The following WWOX variants were observed in gnomAD, a reference collection of about 807,000 sequenced individuals.
WWOX encodes WW domain containing oxidoreductase, also known as WW domain-containing oxidoreductase.
In WWOX, 69 loss-of-function variants were observed where a neutral mutation model predicts 46.2. The ratio of observed to expected loss-of-function variants is 1.49; its 90% CI spans 1.23 to 1.82. The LOEUF is 1.82. Among genes scored for constraint, WWOX ranks in the 40% most tolerant of loss-of-function variants. The probability of loss-of-function intolerance (pLI) is 0.00; values close to 1 mark genes in which losing one functional copy is unlikely to be tolerated. For synonymous variants in WWOX, 359 were observed against 202.6 expected, an observed-to-expected ratio of 1.77 and a Z score of -6.56; for missense variants, 919 against 542.6, an observed-to-expected ratio of 1.69 and a Z score of -6.89.
intron 5 of WWOX, among the ~76,000 whole-genome samples, chr16:78,245,004 A>G (rs909055422): frequency 1.3e-5 from 2 of 152,082 alleles, no homozygotes; most frequent in African/African-American, 4.8e-5. Flanking sequence ...TGCCCAGGCC[A>G]TTTTGTTTTA....
At chr16:78,571,289 TG>T (rs1396975222) in intron 8 of WWOX, among the ~76,000 whole-genome samples, 17 of 152,292 alleles carry the variant, frequency 1.1e-4, no homozygotes, top group African/African-American at 4.1e-4. Context: ...GTAAATGACT[TG>T]CCCAAGGTCA....
intron 5 of WWOX, among the ~76,000 whole-genome samples, chr16:78,275,043 T>C (rs9926888): frequency 0.62 from 94,371 of 152,066 alleles, 30,503 homozygotes; most frequent in East Asian, 0.92. Context: ...TGAGCTCCCA[T>C]GATATAACAG....
chr16:78,352,025 G>C (rs1405634244), intron 5 of WWOX, among the ~76,000 whole-genome samples: 2 of 152,174 alleles, frequency 1.3e-5, no homozygotes, highest in African/African-American at 4.8e-5. Flanking sequence ...AGCAGTTGAT[G>C]ATCCAGAGCT....
intron 8 of WWOX, among the ~76,000 whole-genome samples, chr16:78,873,664 C>A (rs901865903): frequency 6.6e-6 from 1 of 152,044 alleles, no homozygotes; most frequent in Non-Finnish European, 1.5e-5. Flanking sequence ...ATGTTGCATG[C>A]CTGTCATCCC....
intron 8 of WWOX, among the ~76,000 whole-genome samples, chr16:79,102,636 T>A (rs561363708): frequency 6.6e-6 from 1 of 152,120 alleles, no homozygotes; most frequent in African/African-American, 2.4e-5. Flanking sequence ...AAGAAACATA[T>A]ATACAGTGCC....
rs1380054817 is a variant in WWOX at position 78,164,260 on chromosome 16, G to A, written c.487G>A (p.Glu163Lys). The A allele has an allele frequency of 1.9e-6, 3 of 1,614,070 alleles. No individual in the cohort carries two copies. The highest frequency in any genetic ancestry group is 2.5e-6 in the Non-Finnish European group (3 of 1,179,952). ...CTGCAGGAACATGGCAAGGGCGAGT[G>A]AAGCAGTGTCACGCATTTTAGAAGA... is the stretch of plus-strand genomic sequence containing the variant. ...LACRNMARAS[E>K]AVSRILEEWH... is the part of the protein sequence containing the mutation. The change falls in exon 5 of 9, where the codon GAA becomes AAA. Residue 163 changes from glutamate to lysine, a missense_variant. By Grantham distance (56) the Glu-to-Lys change is moderately conservative (BLOSUM62 1). Transcript: ENST00000566780.
At chr16:78,310,119 A>G (rs940409902) in intron 5 of WWOX, among the ~76,000 whole-genome samples, 2 of 147,860 alleles carry the variant, frequency 1.4e-5, no homozygotes, top group Admixed American at 6.8e-5. Context: ...CTCTTGCCCC[A>G]TTGTTTTAAA....
chr16:78,712,646 G>A (rs2048467779), intron 8 of WWOX, among the ~76,000 whole-genome samples: 1 of 152,130 alleles, frequency 6.6e-6, no homozygotes. Context: ...ATTTGAATAT[G>A]GAGTAGCTAA....
intron 8 of WWOX, among the ~76,000 whole-genome samples, chr16:79,191,715 C>G (rs2051140565): frequency 6.6e-6 from 1 of 152,186 alleles, no homozygotes; most frequent in South Asian, 2.1e-4. Flanking sequence ...CCTACCCCAA[C>G]CTGGCAAATG....
At chr16:79,032,723 C>T (rs2047788954) in intron 8 of WWOX, among the ~76,000 whole-genome samples, 1 of 150,954 alleles carries the variant, frequency 6.6e-6, no homozygotes, top group Non-Finnish European at 1.5e-5. Flanking sequence ...AACTCCTGAA[C>T]CAGCCTTAGA....
chr16:78,380,181 C>T (rs1020661508), intron 5 of WWOX, among the ~76,000 whole-genome samples: 3 of 152,080 alleles, frequency 2.0e-5, no homozygotes, highest in Non-Finnish European at 2.9e-5. Flanking sequence ...GATGGTTTTT[C>T]TTGGTCTTTG....
chr16:78,682,627 C>T (rs1013512012), intron 8 of WWOX, among the ~76,000 whole-genome samples: 5 of 152,064 alleles, frequency 3.3e-5, no homozygotes, highest in Non-Finnish European at 5.9e-5. Flanking sequence ...CCCTGTAATC[C>T]CAGCAGTCTG....
chr16:78,898,493 T>C (rs575022498), intron 8 of WWOX: 1 of 152,286 alleles, frequency 6.6e-6, no homozygotes, highest in Non-Finnish European at 1.5e-5. Flanking sequence ...ACTCCATTGA[T>C]CTAATTTTTT....
chr16:78,167,448 A>G (rs940067009), intron 5 of WWOX: 1 of 152,230 alleles, frequency 6.6e-6, no homozygotes, highest in African/African-American at 2.4e-5. Flanking sequence ...GTACCTTGAG[A>G]TAGACCAGTG....
At chr16:78,764,822 T>C (rs1471654563) in intron 8 of WWOX, among the ~76,000 whole-genome samples, 1 of 151,872 alleles carries the variant, frequency 6.6e-6, no homozygotes, top group Non-Finnish European at 1.5e-5. Flanking sequence ...CTGATCTCAT[T>C]TGATATTGTT....
At chr16:78,486,117 A>G (rs2084630006) in intron 8 of WWOX, among the ~76,000 whole-genome samples, 1 of 152,164 alleles carries the variant, frequency 6.6e-6, no homozygotes, top group Non-Finnish European at 1.5e-5. Flanking sequence ...GTATGCCGGT[A>G]AGTGTTGAAC....
intron 8 of WWOX, among the ~76,000 whole-genome samples, chr16:78,549,008 T>G (rs2044114599): frequency 6.6e-6 from 1 of 152,222 alleles, no homozygotes; most frequent in Non-Finnish European, 1.5e-5. Flanking sequence ...ATTCATGCTT[T>G]TAAACATCAT....
chr16:78,621,922 T>C (rs77814448), intron 8 of WWOX, among the ~76,000 whole-genome samples: 5,971 of 152,228 alleles, frequency 0.039, 151 homozygotes, highest in South Asian at 0.1. Context: ...TTTAATCTTT[T>C]AGACAACTGG....
chr16:78,936,828 A>T (rs952052325), intron 8 of WWOX, among the ~76,000 whole-genome samples: 2 of 152,344 alleles, frequency 1.3e-5, no homozygotes, highest in African/African-American at 4.8e-5. Context: ...CATCGCTGTC[A>T]GGCTCACATA....
Sources: gnomAD v4.1 joint callset for allele counts (sites outside exome capture counted in the v4.1 genomes callset) on GRCh38, gnomAD v4.1.1 for gene constraint, MANE v1.5 for transcripts, NCBI Gene and HGNC (gene_info 2026-07-23, HGNC 2026-07-21) for gene names.